The following SRGAP3 variants were observed in gnomAD, a reference collection of about 807,000 sequenced individuals.
SRGAP3 encodes the protein SLIT-ROBO Rho GTPase-activating protein 3.
A neutral mutation model predicts 121.1 loss-of-function variants in SRGAP3; 39 were observed. The observed-to-expected ratio is 0.32, with a 90% confidence interval of 0.25 to 0.42. The LOEUF (loss-of-function observed/expected upper bound fraction) is 0.42. Ranked by LOEUF, SRGAP3 falls within the 10% of genes least tolerant of loss-of-function variation. SRGAP3 has a pLI of 1.00. For synonymous variants in SRGAP3, 601 were observed against 570.0 expected, an observed-to-expected ratio of 1.05 and a Z score of -0.77; for missense variants, 1,213 against 1,470.6, an observed-to-expected ratio of 0.82 and a Z score of 2.86.
At chr3:9,006,391 T>A (rs112150998) in intron 18 of SRGAP3, among the ~76,000 whole-genome samples, 1 of 127,238 alleles carries the variant, frequency 7.9e-6, no homozygotes, top group African/African-American at 3.3e-5. Flanking sequence ...AGAGCGAGAC[T>A]CTGTCTCAAA....
At chr3:9,215,895 C>T (rs1952601155) in intron 1 of SRGAP3, among the ~76,000 whole-genome samples, 1 of 152,322 alleles carries the variant, frequency 6.6e-6, no homozygotes, top group East Asian at 1.9e-4. Flanking sequence ...GGCCAACGCT[C>T]CTGGATTCCC....
Position 9,052,934 on chromosome 3 carries a change from T to C in SRGAP3, c.1323+93A>G, listed in dbSNP as rs1375755676. The C allele has an allele frequency of 1.0e-5, 15 of 1,462,972 alleles. 1 individual carries two copies. Among genetic ancestry groups the C allele is most frequent in the South Asian group, 3.4e-5 (3 of 87,128 alleles). The allele number at this position is 1,462,972 out of a possible 1,614,324, so 90.6% of individuals were successfully genotyped here. The stretch of plus-strand genomic sequence containing the variant: ...TCTTAGATCCAATTGACCCATGTGG[T>C]TTCTCTGGTTCTCAGTAGCTTGGGT... On this transcript the variant is annotated intron_variant, in intron 9 of 21. Coordinates refer to ENST00000383836, the MANE Select transcript of SRGAP3 (RefSeq NM_014850.4).
chr3:9,260,539 CAAACGA>C lies in SRGAP3; in HGVS notation n.442+65465_442+65470del, dbSNP rs1338000748. Among the ~76,000 whole-genome samples, 11 of 152,358 alleles carry C rather than the reference CAAACGA, an allele frequency of 7.2e-5. No homozygotes were observed. The East Asian group carries it at 1.9e-3, about 27-fold the overall frequency. On this transcript the variant is annotated intron_variant and non_coding_transcript_variant, in intron 3 of 3. Transcript: ENST00000490889. ...ATGTAAATAAAGCCACTGGGAAGTT[CAAACGA>C]TGCGGAACCCACTGCGGCGTGGCAT...
At chr3:9,008,702 G>A (rs1054338026) in intron 18 of SRGAP3, among the ~76,000 whole-genome samples, 1 of 152,178 alleles carries the variant, frequency 6.6e-6, no homozygotes, top group African/African-American at 2.4e-5. Flanking sequence ...AGTTCAGGAT[G>A]ACTTTAGCCT....
At chr3:9,092,118 T>C (rs577700524) in intron 3 of SRGAP3, among the ~76,000 whole-genome samples, 1 of 152,110 alleles carries the variant, frequency 6.6e-6, no homozygotes, top group South Asian at 2.1e-4. Context: ...GTGGCCAGCA[T>C]TTCCTTTCCC....
chr3:9,199,128 T>G (rs1473892286), intron 1 of SRGAP3, among the ~76,000 whole-genome samples: 2 of 152,188 alleles, frequency 1.3e-5, no homozygotes, highest in Non-Finnish European at 2.9e-5. Context: ...GCTAAAAGCC[T>G]GAAAGGTTTA....
In SRGAP3 at chr3:9,217,397, C is replaced by T. The variant is rs986333962; in HGVS notation, c.67+31488G>A. The T allele has an allele frequency of 2.6e-5, 4 of 152,122 alleles. No homozygotes were observed. The East Asian group carries it at 7.7e-4, about 29-fold the overall frequency. The allele number at this position is 152,122 out of a possible 1,614,324, so 9.4% of individuals were successfully genotyped here. On this transcript the variant is annotated intron_variant, in intron 1 of 21. Coordinates refer to ENST00000383836, the MANE Select transcript of SRGAP3 (RefSeq NM_014850.4). ...GAGATGCCAGATTGCTTCTTCAAGACCCTCCAAGGGGGCACGTCAAATTCT... is the reference window on the plus strand; with the variant it reads ...GAGATGCCAGATTGCTTCTTCAAGATCCTCCAAGGGGGCACGTCAAATTCT...
At chr3:9,078,653 T>C (rs1037775260) in intron 4 of SRGAP3, among the ~76,000 whole-genome samples, 10 of 152,194 alleles carry the variant, frequency 6.6e-5, no homozygotes, top group African/African-American at 2.4e-4. Context: ...CTAGTATTTC[T>C]ACTTAACACC....
At chr3:9,056,186 C>T (rs745691392) in intron 8 of SRGAP3, 47 bp downstream of exon 8, 3 of 1,595,246 alleles carry the variant, frequency 1.9e-6, no homozygotes, top group East Asian at 2.2e-5. Context: ...TGGGACAAGC[C>T]AGGCCTTCCA....
At chr3:9,230,827 T>C (rs1326338920) in intron 1 of SRGAP3, among the ~76,000 whole-genome samples, 4 of 146,570 alleles carry the variant, frequency 2.7e-5, no homozygotes, top group South Asian at 4.3e-4. Context: ...ATGGCGCCAC[T>C]GCATTCCAGC....
At chr3:9,046,448 A>G (rs1411594919) in intron 10 of SRGAP3, among the ~76,000 whole-genome samples, 74 of 152,246 alleles carry the variant, frequency 4.9e-4, no homozygotes, top group Non-Finnish European at 2.9e-5. Flanking sequence ...TGGCTGCGGC[A>G]CAGTAAGGAA....
At chr3:9,253,578 C>T (rs75193612), upstream of SRGAP3, among the ~76,000 whole-genome samples, 2 of 152,282 alleles carry the variant, frequency 1.3e-5, no homozygotes, top group East Asian at 1.9e-4. Flanking sequence ...ACACCTCCCC[C>T]TCGCCGAGAT....
In SRGAP3 at chr3:9,067,138, C is replaced by T. The variant is rs577186866; in HGVS notation, c.487-2557G>A. ...TGGAGGTATCTATCAGATGCTACCA[C>T]CACCACCACCACCATCATCATCATT... On this transcript the variant is annotated intron_variant, in intron 4 of 21. Transcript: ENST00000383836. Among the ~76,000 whole-genome samples the T allele has an allele frequency of 3.3e-5, 5 of 152,294 alleles. No individual in the cohort carries two copies. In the East Asian group the frequency reaches 9.6e-4, roughly 29 times the overall value.
chr3:9,345,158 T>C (rs997953516), intron 1 of SRGAP3, among the ~76,000 whole-genome samples: 8 of 152,190 alleles, frequency 5.3e-5, no homozygotes, highest in Admixed American at 3.9e-4. Context: ...ACAAGCCAGA[T>C]TGTGACTCAA....
chr3:9,042,880 C>T (rs1158437894), intron 10 of SRGAP3, among the ~76,000 whole-genome samples: 6 of 152,162 alleles, frequency 3.9e-5, no homozygotes, highest in Non-Finnish European at 7.4e-5. Flanking sequence ...CAACAAGTTA[C>T]AATACCCTTC....
At chr3:9,316,200 C>T (rs1000178091) in intron 3 of SRGAP3, among the ~76,000 whole-genome samples, 10 of 152,004 alleles carry the variant, frequency 6.6e-5, no homozygotes, top group African/African-American at 2.4e-4. Flanking sequence ...AGGCACACAC[C>T]ACCACACCTG....
chr3:8,997,166 AAT>A (rs1268278894), intron 18 of SRGAP3, among the ~76,000 whole-genome samples: 3 of 152,154 alleles, frequency 2.0e-5, no homozygotes, highest in African/African-American at 4.8e-5. Context: ...CCTGAAACAG[AAT>A]ATGTTTCTCC....
At chr3:9,223,194 T>C (rs778429390) in intron 1 of SRGAP3, among the ~76,000 whole-genome samples, 1 of 152,262 alleles carries the variant, frequency 6.6e-6, no homozygotes, top group Non-Finnish European at 1.5e-5. Flanking sequence ...CATCCACTTA[T>C]TTCTCTATTG....
chr3:9,096,937 GTATA>G (rs58305278), intron 3 of SRGAP3, among the ~76,000 whole-genome samples: 5,025 of 60,906 alleles, frequency 0.083, 217 homozygotes, highest in East Asian at 0.2. Flanking sequence ...ACATTATTTT[GTATA>G]TATATATATA....
Sources: allele counts gnomAD v4.1 joint callset (sites outside exome capture counted in the v4.1 genomes callset), GRCh38; gene constraint gnomAD v4.1.1; transcripts MANE v1.5; gene names NCBI Gene and HGNC (gene_info 2026-07-23, HGNC 2026-07-21).